Variants in DCP2 observed in about 807,000 individuals in gnomAD.
DCP2 encodes the protein m7GpppN-mRNA hydrolase.
In DCP2, 30 loss-of-function variants were observed where a neutral mutation model predicts 56.1. The ratio of observed to expected loss-of-function variants is 0.53; its 90% confidence interval spans 0.40 to 0.73. The LOEUF (loss-of-function observed/expected upper bound fraction) is 0.73, where lower values mean the gene tolerates loss of function less well. Among genes scored for constraint, DCP2 ranks in the 30% least tolerant of loss-of-function variants. The pLI is 0.00. For missense variants in DCP2, 533 were observed against 502.7 expected, an observed-to-expected ratio of 1.06 and a Z score of -0.58; for synonymous variants, 197 against 163.3, an observed-to-expected ratio of 1.21 and a Z score of -1.57.
chr5:113,011,550 T>G (rs1561706365), intron 10 of DCP2, among the ~76,000 whole-genome samples: 1 of 152,236 alleles, frequency 6.6e-6, no homozygotes, highest in Non-Finnish European at 1.5e-5. Context: ...GGCTTTCATA[T>G]AGAAAAGCCT....
At chr5:112,997,962 A>G (rs1233821641) in intron 4 of DCP2, among the ~76,000 whole-genome samples, 1 of 152,152 alleles carries the variant, frequency 6.6e-6, no homozygotes, top group Non-Finnish European at 1.5e-5. Flanking sequence ...TTTATCTGCT[A>G]ACATTTGAGA....
chr5:112,989,926 G>A (rs940991710), intron 2 of DCP2, among the ~76,000 whole-genome samples: 1 of 151,842 alleles, frequency 6.6e-6, no homozygotes, highest in Admixed American at 6.6e-5. Context: ...GGTAAGATTG[G>A]TGATGATTTG....
intron 1 of DCP2, among the ~76,000 whole-genome samples, chr5:112,982,557 C>T (rs1748060294): frequency 6.6e-6 from 1 of 152,172 alleles, no homozygotes; most frequent in Non-Finnish European, 1.5e-5. Context: ...ACACTTAGTT[C>T]CCACATGGTC....
intron 10 of DCP2, among the ~76,000 whole-genome samples, chr5:113,013,099 A>T (rs1440683298): frequency 1.3e-5 from 2 of 152,210 alleles, no homozygotes; most frequent in African/African-American, 4.8e-5. Flanking sequence ...AATGGCTGAG[A>T]TTAAGATTTT....
intron 1 of DCP2, among the ~76,000 whole-genome samples, chr5:112,980,547 A>G (rs1471904540): frequency 2.0e-5 from 3 of 152,038 alleles, no homozygotes; most frequent in Non-Finnish European, 2.9e-5. Context: ...AGCTATTACT[A>G]TATACACGTC....
At chr5:112,997,671 G>A (rs571407703) in intron 4 of DCP2, among the ~76,000 whole-genome samples, 4 of 149,800 alleles carry the variant, frequency 2.7e-5, no homozygotes, top group African/African-American at 9.8e-5. Flanking sequence ...GTGCAGTGGT[G>A]CGATCTCAGT....
At chr5:113,010,486 A>G (rs7733267) in intron 9 of DCP2, among the ~76,000 whole-genome samples, 29,177 of 152,058 alleles carry the variant, frequency 0.19, 2,931 homozygotes, top group Non-Finnish European at 0.21. Flanking sequence ...GATTACAGGC[A>G]TGAGCCACCA....
chr5:113,009,917 T>A (rs944811520), intron 9 of DCP2, among the ~76,000 whole-genome samples: 14 of 145,036 alleles, frequency 9.7e-5, no homozygotes, highest in African/African-American at 3.6e-4. Context: ...TAATCTTTTT[T>A]TTCCTTTTTT....
intron 1 of DCP2, among the ~76,000 whole-genome samples, chr5:112,983,235 T>A (rs1386771073): frequency 6.6e-6 from 1 of 152,206 alleles, no homozygotes; most frequent in Non-Finnish European, 1.5e-5. Flanking sequence ...AATAGACTAC[T>A]TGGTTCTGAA....
intron 1 of DCP2, among the ~76,000 whole-genome samples, chr5:112,981,791 A>G (rs951373518): frequency 1.3e-5 from 2 of 152,038 alleles, no homozygotes; most frequent in East Asian, 3.9e-4. Flanking sequence ...TTTGTTTTTG[A>G]GACGGAGTCT....
At chr5:112,988,405 T>C (rs1748408112) in intron 2 of DCP2, among the ~76,000 whole-genome samples, 1 of 144,364 alleles carries the variant, frequency 6.9e-6, no homozygotes, top group African/African-American at 2.6e-5. Context: ...GGCAGGAGAA[T>C]GGTGTGAACC....
intron 7 of DCP2, among the ~76,000 whole-genome samples, chr5:113,002,209 G>C (rs1749212406): frequency 6.6e-6 from 1 of 152,170 alleles, no homozygotes; most frequent in Admixed American, 6.5e-5. Flanking sequence ...GATCACCTGA[G>C]ATCATGAGTT....
At chr5:113,012,742 C>T (rs1348092729) in intron 10 of DCP2, among the ~76,000 whole-genome samples, 1 of 152,154 alleles carries the variant, frequency 6.6e-6, no homozygotes, top group Non-Finnish European at 1.5e-5. Context: ...CTCCTGGGTA[C>T]AAGTCATTCT....
rs370706777 is a variant in DCP2, at chr5:112,977,958, GT to G, written c.53+980del. Among the ~76,000 whole-genome samples the G allele has an allele frequency of 7.9e-5, 12 of 151,538 alleles. No homozygotes were observed. The East Asian group carries it at 1.2e-3, about 15-fold the overall frequency. ...ACTGGTGTTTGTGGAGTTTTTTGGG[GT>G]TTTTTTTGTTTGTTTGTTTTTTTGT... On this transcript the variant is annotated intron_variant, in intron 1 of 10. Transcript: ENST00000389063.
intron 9 of DCP2, 128 bp downstream of exon 9, chr5:113,008,170 G>A (rs1443346954): frequency 2.7e-6 from 2 of 743,016 alleles, no homozygotes; most frequent in African/African-American, 3.5e-5. Flanking sequence ...TAGGATTTTT[G>A]TGTAGCTGAC....
At position 112,979,147 on chromosome 5, in the gene DCP2, T is replaced by C. The variant is rs1352472725; in HGVS notation, c.53+2161T>C. On this transcript the variant is annotated intron_variant, in intron 1 of 10. Transcript: ENST00000389063. ...GAGTGTATTTAAGCTGTTAAACAAATATTTTTGAATGGAGTAACATTTTTT... is the reference window on the plus strand; with the variant it reads ...GAGTGTATTTAAGCTGTTAAACAAACATTTTTGAATGGAGTAACATTTTTT... 2.0e-5 allele frequency among the ~76,000 whole-genome samples: 3 copies of C among 152,198 alleles called. No homozygotes were observed. In the East Asian group the frequency reaches 5.8e-4, roughly 29 times the overall value.
At chr5:112,997,770 A>G (rs1189248247) in intron 4 of DCP2, among the ~76,000 whole-genome samples, 1 of 151,824 alleles carries the variant, frequency 6.6e-6, no homozygotes. Flanking sequence ...GCACGCCACC[A>G]TGTTTGGCTA....
intron 3 of DCP2, 149 bp from the exon 4 acceptor site, chr5:112,992,523 C>G: frequency 1.4e-6 from 1 of 703,646 alleles, no homozygotes; most frequent in East Asian, 2.9e-5. Context: ...GTGATGTATT[C>G]AGACTCACTG....
At chr5:113,003,769 A>T (rs1253736499) in intron 7 of DCP2, among the ~76,000 whole-genome samples, 173 bp from the exon 8 acceptor site, 2 of 152,040 alleles carry the variant, frequency 1.3e-5, no homozygotes, top group African/African-American at 4.8e-5. Flanking sequence ...CATCTGGGTG[A>T]TGAGGATAAA....
Sources: allele counts gnomAD v4.1 joint callset (sites outside exome capture counted in the v4.1 genomes callset), GRCh38; gene constraint gnomAD v4.1.1; transcripts MANE v1.5; gene names NCBI Gene and HGNC (gene_info 2026-07-23, HGNC 2026-07-21).